The following CACNG5 variants were observed in gnomAD, a reference collection of about 807,000 sequenced individuals.
CACNG5 encodes voltage-dependent calcium channel gamma-5 subunit.
Under a neutral mutation model 24.8 loss-of-function variants are expected in CACNG5, and 18 were observed. The observed-to-expected ratio is 0.73, with a 90% CI of 0.50 to 1.08. The LOEUF (loss-of-function observed/expected upper bound fraction) is 1.08, where lower values mean the gene tolerates loss of function less well. Ranked by LOEUF, CACNG5 falls within the 50% of genes least tolerant of loss-of-function variation. The pLI is 0.00. For missense variants in CACNG5, 349 were observed against 367.9 expected (o/e 0.95, Z 0.42); for synonymous variants, 157 against 149.1 (o/e 1.05, Z -0.39).
intron 1 of CACNG5, among the ~76,000 whole-genome samples, chr17:66,839,605 G>A (rs1976535431): frequency 2.0e-5 from 3 of 150,220 alleles, no homozygotes; most frequent in African/African-American, 7.3e-5. Flanking sequence ...GGGAGAGAGC[G>A]AGAGGGGGAG....
intron 1 of CACNG5, among the ~76,000 whole-genome samples, chr17:66,861,394 G>A (rs559506125): frequency 3.0e-4 from 45 of 152,332 alleles, no homozygotes; most frequent in African/African-American, 1.0e-3. Context: ...CTTTAAAGAA[G>A]ATGCCATTGT....
intron 1 of CACNG5, among the ~76,000 whole-genome samples, chr17:66,859,941 G>T (rs200257614): frequency 6.6e-6 from 1 of 151,410 alleles, no homozygotes; most frequent in East Asian, 1.9e-4. Context: ...TGCTGGGTTC[G>T]TCCATCCACC....
rs543379650 is a variant in CACNG5 at position 66,877,055 on chromosome 17, G to T, written c.-103-175G>T. 7.2e-5 allele frequency among the ~76,000 whole-genome samples: 11 copies of T among 152,304 alleles called. No homozygotes were observed. In the South Asian group the frequency reaches 2.3e-3, roughly 32 times the overall value. ...AAGGGGACTCCCAGAGAGGACAAGGGGGTCCTTGCAGTGGCATGCCAAGAA... is the reference window on the plus strand; with the variant it reads ...AAGGGGACTCCCAGAGAGGACAAGGTGGTCCTTGCAGTGGCATGCCAAGAA... On this transcript the variant is annotated intron_variant, in intron 1 of 5. Transcript: ENST00000533854.
At position 66,880,696 on chromosome 17, in the gene CACNG5, A is replaced by G. The variant is rs1362350767; in HGVS notation, c.423A>G (p.Ser141=). ...AFVSGIFFIL[S]GLSLVVGLVL... is the part of the protein sequence containing the mutation. ...TCTCTGGCATCTTCTTTATCCTCTC[A>G]GGTAAGTTGTGTTGTTTTCTTTTCT... Residue 141 remains serine (S), a splice_region_variant and synonymous_variant, in exon 4 of 6, where the codon TCA becomes TCG. Transcript: ENST00000533854. 6.2e-7 allele frequency: 1 copy of G among 1,612,976 alleles called. No homozygotes were observed. Among genetic ancestry groups the G allele is most frequent in the Non-Finnish European group, 8.5e-7 (1 of 1,179,718 alleles).
At chr17:66,871,271 T>G (rs1271584382) in intron 1 of CACNG5, among the ~76,000 whole-genome samples, 1 of 152,162 alleles carries the variant, frequency 6.6e-6, no homozygotes, top group Non-Finnish European at 1.5e-5. Context: ...GAGCAGCTCT[T>G]GTCACTGGCT....
rs778193024 is a variant in CACNG5, at chr17:66,885,107, T to C, written c.695T>C (p.Leu232Pro). The C allele has an allele frequency of 1.2e-6, 2 of 1,614,182 alleles. No homozygotes were observed. Among genetic ancestry groups the C allele is most frequent in the Non-Finnish European group, 1.7e-6 (2 of 1,180,024 alleles). Residue 232 changes from leucine (L) to proline (P), a missense_variant, in exon 6 of 6, where the codon CTA (leucine) becomes CCA (proline). Coordinates refer to ENST00000533854, the MANE Select transcript of CACNG5 (RefSeq NM_145811.3). ...TGCTCCGATTACTCAGGCCAGTTCC[T>C]ACACCCAGACGCCTGGGTCAGGGGC... is the stretch of plus-strand genomic sequence containing the variant. ...SNCSDYSGQF[L>P]HPDAWVRGRS...
At chr17:66,884,781 A>T in intron 5 of CACNG5, 120 bp downstream of exon 5, 1 of 1,613,032 alleles carries the variant, frequency 6.2e-7, no homozygotes, top group South Asian at 1.1e-5. Flanking sequence ...CGGACCACCC[A>T]CTCTACTTCC....
At chr17:66,866,074 G>A (rs1976925778) in intron 1 of CACNG5, among the ~76,000 whole-genome samples, 2 of 152,076 alleles carry the variant, frequency 1.3e-5, no homozygotes, top group South Asian at 2.1e-4. Context: ...TGTAAGTATG[G>A]TTATTTACTG....
intron 1 of CACNG5, among the ~76,000 whole-genome samples, chr17:66,873,803 G>A (rs897746523): frequency 2.0e-5 from 3 of 151,958 alleles, no homozygotes; most frequent in African/African-American, 7.3e-5. Context: ...AGAACATGAT[G>A]TCTTTTTTTT....
rs746497704 is a variant in CACNG5, at chr17:66,885,027, C to A, written c.615C>A (p.Thr205=). 5.0e-6 allele frequency: 8 copies of A among 1,614,012 alleles called. No individual in the cohort carries two copies. Among genetic ancestry groups the A allele is most frequent in the Non-Finnish European group, 6.8e-6 (8 of 1,180,026 alleles). Residue 205 remains threonine, a synonymous_variant, in exon 6 of 6, where the codon ACC becomes ACA. Transcript: ENST00000533854. ...MSVYLFMKRY[T]AEDMYRPHPG... ...TGTACCTGTTTATGAAGCGGTACAC[C>A]GCGGAGGACATGTACAGGCCCCACC...
At chr17:66,878,088 A>G (rs1977109485) in intron 2 of CACNG5, among the ~76,000 whole-genome samples, 1 of 152,252 alleles carries the variant, frequency 6.6e-6, no homozygotes, top group African/African-American at 2.4e-5. Flanking sequence ...GCTCTGCAGC[A>G]TGGTAGAGGT....
intron 2 of CACNG5, 45 bp downstream of exon 2, chr17:66,877,573 C>T (rs751552430): frequency 1.9e-6 from 3 of 1,542,744 alleles, no homozygotes; most frequent in Admixed American, 3.4e-5. Flanking sequence ...CCTGACATCA[C>T]CTGCCCCAAG....
chr17:66,852,125 C>T (rs1976715439), intron 1 of CACNG5, among the ~76,000 whole-genome samples: 1 of 152,192 alleles, frequency 6.6e-6, no homozygotes, highest in African/African-American at 2.4e-5. Context: ...GGTGGGACAC[C>T]ACCTTTCTTC....
intron 1 of CACNG5, among the ~76,000 whole-genome samples, chr17:66,854,157 C>A (rs542006584): frequency 5.3e-5 from 8 of 152,094 alleles, no homozygotes; most frequent in Non-Finnish European, 1.0e-4. Flanking sequence ...AGGCCGGGTG[C>A]GGTGGCTCAC....
In CACNG5 at chr17:66,885,531, C is replaced by T. The variant is rs1358373987; in HGVS notation, c.*291C>T. 15 of 430,278 alleles carry T rather than the reference C, an allele frequency of 3.5e-5. No individual in the cohort carries two copies. The South Asian group carries it at 3.7e-4, about 11-fold the overall frequency. The allele number at this position is 430,278 out of a possible 1,614,324, so 26.7% of individuals were successfully genotyped here. On this transcript the variant is annotated 3_prime_UTR_variant, in exon 6 of 6. Coordinates refer to ENST00000533854, the MANE Select transcript of CACNG5 (RefSeq NM_145811.3). The stretch of plus-strand genomic sequence containing the variant: ...GGCTCCAGGAAGCCAGCAGCTCCCC[C>T]CAAGCCCAGGAGACACCGATGTTCC...
chr17:66,854,364 T>C (rs1407816148), intron 1 of CACNG5, among the ~76,000 whole-genome samples: 3 of 130,416 alleles, frequency 2.3e-5, no homozygotes, highest in Non-Finnish European at 4.9e-5. Flanking sequence ...GGAGGCAGAG[T>C]GCAGTGAGCC....
At chr17:66,850,884 C>A (rs770036389) in intron 1 of CACNG5, among the ~76,000 whole-genome samples, 1 of 152,132 alleles carries the variant, frequency 6.6e-6, no homozygotes, top group African/African-American at 2.4e-5. Flanking sequence ...AGAAGGAAAT[C>A]CCCAGGGAAC....
intron 1 of CACNG5, among the ~76,000 whole-genome samples, chr17:66,861,429 T>A (rs934929533): frequency 6.6e-6 from 1 of 152,238 alleles, no homozygotes. Context: ...TCATAGTGCC[T>A]ACTGCAAAGC....
At chr17:66,856,310 G>A (rs867888643) in intron 1 of CACNG5, among the ~76,000 whole-genome samples, 1 of 152,162 alleles carries the variant, frequency 6.6e-6, no homozygotes, top group African/African-American at 2.4e-5. Context: ...TGTTTCAGAG[G>A]TGAAATTTTT....
Sources: gnomAD v4.1 joint callset for allele counts (sites outside exome capture counted in the v4.1 genomes callset) on GRCh38, gnomAD v4.1.1 for gene constraint, MANE v1.5 for transcripts, NCBI Gene and HGNC (gene_info 2026-07-23, HGNC 2026-07-21) for gene names.